USP45: variants seen among roughly 807,000 people sequenced by gnomAD.
USP45 encodes the protein ubiquitin specific peptidase 45.
In USP45, 89 loss-of-function variants were observed where a neutral mutation model predicts 95.8. That is an observed-to-expected ratio of 0.93 (90% CI 0.78 to 1.11). USP45 has a LOEUF of 1.11. USP45 is among the 50% of genes least tolerant of loss of function. The pLI, the probability that USP45 is intolerant of heterozygous loss-of-function variation, is 0.00. For synonymous variants in USP45, 281 were observed against 316.2 expected, an observed-to-expected ratio of 0.89 and a Z score of 1.18; for missense variants, 898 against 942.5, an observed-to-expected ratio of 0.95 and a Z score of 0.62.
upstream of USP45, among the ~76,000 whole-genome samples, chr6:99,517,145 A>T (rs906235290): frequency 6.6e-6 from 1 of 152,142 alleles, no homozygotes; most frequent in African/African-American, 2.4e-5. Flanking sequence ...TTCCTCATTT[A>T]CCTTTTCACT....
At chr6:99,482,218 G>C (rs1323451584) in intron 8 of USP45, 2 of 152,122 alleles carry the variant, frequency 1.3e-5, no homozygotes, top group African/African-American at 2.4e-5. Flanking sequence ...TAAAAAGCAA[G>C]CTCTCAATTT....
chr6:99,473,803 A>ACACACACACACAC (rs1562370224), intron 9 of USP45, among the ~76,000 whole-genome samples: 1 of 17,176 alleles, frequency 5.8e-5, no homozygotes, highest in Admixed American at 5.9e-4. Flanking sequence ...CACACACACA[A>ACACACACACACAC]ATTCACAGAA....
intron 5 of USP45, among the ~76,000 whole-genome samples, chr6:99,491,225 G>T (rs1302080483): frequency 6.6e-6 from 1 of 152,030 alleles, no homozygotes; most frequent in Admixed American, 6.6e-5. Flanking sequence ...CAAACACCAG[G>T]CATGGAAAAA....
chr6:99,453,828 C>T (rs899332166), intron 13 of USP45, among the ~76,000 whole-genome samples: 9 of 152,078 alleles, frequency 5.9e-5, no homozygotes, highest in Non-Finnish European at 1.0e-4. Context: ...GGCATGGTAG[C>T]AGGCACCTGT....
At position 99,439,765 on chromosome 6, in the gene USP45, G is replaced by A. The variant is rs781402382; in HGVS notation, c.2160+4C>T. On this transcript the variant is annotated splice_donor_region_variant and intron_variant, in intron 16 of 17. Transcript: ENST00000500704. ...AATCAATTAAATATCTTAATATACTGTACCTTACAAGTAGCAGAGCAGAAT... is the reference window on the plus strand; with the variant it reads ...AATCAATTAAATATCTTAATATACTATACCTTACAAGTAGCAGAGCAGAAT... 18 of 1,577,632 alleles carry A rather than the reference G, an allele frequency of 1.1e-5. No individual in the cohort carries two copies. The highest frequency in any genetic ancestry group is 1.6e-5 in the Non-Finnish European group (18 of 1,157,878).
chr6:99,449,512 GGAGCA>G (rs1783368430), intron 13 of USP45, among the ~76,000 whole-genome samples: 4 of 108,216 alleles, frequency 3.7e-5, no homozygotes, highest in Non-Finnish European at 5.8e-5. Context: ...ACCCAATACA[GGAGCA>G]CCCACATTCA....
intron 14 of USP45, 24 bp downstream of exon 14, chr6:99,445,773 T>C: frequency 1.4e-6 from 2 of 1,480,592 alleles, no homozygotes; most frequent in African/African-American, 1.4e-5. Context: ...AGATCAATAA[T>C]TATGTAATTA....
In USP45 at chr6:99,450,769, G is replaced by A. The variant is rs1583030082; in HGVS notation, c.1309-4306C>T. ...TAGACCAATATCCCTGATGAACATC[G>A]ATGCAAAAATCCTCAATAAAATACT... On this transcript the variant is annotated intron_variant, in intron 13 of 17. Transcript: ENST00000500704. Among the ~76,000 whole-genome samples the A allele has an allele frequency of 2.0e-5, 3 of 152,128 alleles. No individual in the cohort carries two copies. The East Asian group carries it at 5.8e-4, about 29-fold the overall frequency.
At chr6:99,516,009 C>T (rs1448199707), upstream of USP45, among the ~76,000 whole-genome samples, 28 of 151,926 alleles carry the variant, frequency 1.8e-4, no homozygotes. Context: ...GATCTCCTGA[C>T]CTTGTGATCC....
At chr6:99,452,935 C>T (rs1353541081) in intron 13 of USP45, among the ~76,000 whole-genome samples, 2 of 152,032 alleles carry the variant, frequency 1.3e-5, no homozygotes, top group African/African-American at 4.8e-5. Context: ...GAACAAAAAA[C>T]CAAACACTGC....
At chr6:99,478,089 A>G (rs909840698) in intron 8 of USP45, among the ~76,000 whole-genome samples, 6 of 152,198 alleles carry the variant, frequency 3.9e-5, no homozygotes, top group African/African-American at 1.4e-4. Context: ...GCAGACACAC[A>G]AGGAGGAAAT....
rs1788080371 is a variant in USP45 at position 99,466,762 on chromosome 6, T to G, written c.1017A>C (p.Ala339=). 1 of 1,612,308 alleles carries G rather than the reference T, an allele frequency of 6.2e-7. No individual in the cohort carries two copies. Among genetic ancestry groups the G allele is most frequent in the African/African-American group, 1.3e-5 (1 of 74,892 alleles). The part of the protein sequence containing the change: ...ADDETRKKVK[A]YGKEGVKMNF... ...TCATTTTCACACCTTCTTTTCCATA[T>G]GCTGTAAAAATCATACTTTTTAATG... Residue 339 remains alanine (A), a splice_region_variant and synonymous_variant, in exon 11 of 18, where the codon GCA becomes GCC. Transcript: ENST00000500704.
chr6:99,445,509 A>G (rs988615526), intron 14 of USP45, among the ~76,000 whole-genome samples: 2 of 151,402 alleles, frequency 1.3e-5, no homozygotes, highest in Non-Finnish European at 2.9e-5. Flanking sequence ...AGTTGTAGGG[A>G]TATTTCTTCT....
In USP45 at chr6:99,435,204, T is replaced by C. The variant is rs1780273871; in HGVS notation, c.*512A>G. The C allele has an allele frequency of 6.6e-6, 1 of 152,666 alleles. No homozygotes were observed. 9.5% of individuals were successfully genotyped at this position (152,666 alleles called of 1,614,324 possible). ...TGGTACGTGGATAAACAATTTTTAA[T>C]AGTTTTACTTTAATATTTATTATAA... is the stretch of plus-strand genomic sequence containing the variant. On this transcript the variant is annotated 3_prime_UTR_variant, in exon 18 of 18. Coordinates refer to ENST00000500704, the MANE Select transcript of USP45 (RefSeq NM_001346022.3).
intron 5 of USP45, among the ~76,000 whole-genome samples, chr6:99,494,675 C>G (rs1381412834): frequency 6.6e-6 from 1 of 152,128 alleles, no homozygotes; most frequent in Non-Finnish European, 1.5e-5. Context: ...GGCAGGATCA[C>G]TTAAAGTCAG....
In USP45 at chr6:99,445,066, G is replaced by A. The variant is rs535397012; in HGVS notation, c.1975+731C>T. 7.4e-4 allele frequency among the ~76,000 whole-genome samples: 113 copies of A among 152,172 alleles called. 1 individual carries two copies. The highest frequency in any genetic ancestry group is 2.4e-3 in the African/African-American group (99 of 41,512). Reference sequence around the variant, plus strand: ...ACCAACTAATCATGGTAATTATAGCGCTAGCTTTATGACATGCTACTATTT... The same window carrying A: ...ACCAACTAATCATGGTAATTATAGCACTAGCTTTATGACATGCTACTATTT... On this transcript the variant is annotated intron_variant, in intron 14 of 17. Transcript: ENST00000500704.
chr6:99,469,344 C>T (rs1396063085), intron 9 of USP45, among the ~76,000 whole-genome samples: 4 of 151,206 alleles, frequency 2.6e-5, no homozygotes, highest in African/African-American at 9.7e-5. Context: ...AGTAAGTGAC[C>T]TTTTAACATT....
intron 9 of USP45, among the ~76,000 whole-genome samples, chr6:99,473,314 C>A (rs1260070256): frequency 6.6e-6 from 1 of 151,466 alleles, no homozygotes; most frequent in Non-Finnish European, 1.5e-5. Context: ...CCGAGGCAGG[C>A]AGATTACTTG....
At chr6:99,458,279 A>G (rs138020848) in intron 13 of USP45, among the ~76,000 whole-genome samples, 219 of 152,292 alleles carry the variant, frequency 1.4e-3, no homozygotes, top group African/African-American at 4.9e-3. Context: ...TCGGCCTCCC[A>G]AAGTGCTGGG....
Sources: allele counts gnomAD v4.1 joint callset (sites outside exome capture counted in the v4.1 genomes callset), GRCh38; gene constraint gnomAD v4.1.1; transcripts MANE v1.5; gene names NCBI Gene and HGNC (gene_info 2026-07-23, HGNC 2026-07-21).